The following VAV2 variants were observed in gnomAD, a reference collection of about 807,000 sequenced individuals.
VAV2 encodes guanine nucleotide exchange factor VAV2.
In VAV2, 67 loss-of-function variants were observed where a neutral mutation model predicts 132.5. The ratio of observed to expected loss-of-function variants is 0.51; its 90% CI spans 0.42 to 0.62. VAV2 has a LOEUF of 0.62. VAV2 is among the 20% of genes least tolerant of loss of function. VAV2 has a pLI of 0.00. For synonymous variants in VAV2, 492 were observed against 443.5 expected, an observed-to-expected ratio of 1.11 and a Z score of -1.37; for missense variants, 938 against 1,153.6, an observed-to-expected ratio of 0.81 and a Z score of 2.71.
chr9:133,808,984 C>T, intron 7 of VAV2, 56 bp downstream of exon 7: 1 of 1,524,462 alleles, frequency 6.6e-7, no homozygotes, highest in Non-Finnish European at 9.1e-7. Context: ...GATAGGTGGC[C>T]CTGCAGTGAC....
chr9:133,813,496 G>A (rs1835437714), intron 4 of VAV2, among the ~76,000 whole-genome samples: 1 of 152,350 alleles, frequency 6.6e-6, no homozygotes, highest in South Asian at 2.1e-4. Context: ...GGGAGGGCCC[G>A]TGTGCATTCG....
Position 133,913,536 on chromosome 9 carries a change from C to T in VAV2, c.321+25567G>A, listed in dbSNP as rs531188015. 7.9e-5 allele frequency among the ~76,000 whole-genome samples: 12 copies of T among 152,366 alleles called. No individual in the cohort carries two copies. In the East Asian group the frequency reaches 2.1e-3, roughly 27 times the overall value. ...TGCAGAAATGACCGATCCTTTGCCCCATCTGCCCTTGGTAAAAAACCAAAG... is the reference window on the plus strand; with the variant it reads ...TGCAGAAATGACCGATCCTTTGCCCTATCTGCCCTTGGTAAAAAACCAAAG... On this transcript the variant is annotated intron_variant, in intron 2 of 29. Transcript: ENST00000371850.
At chr9:133,809,289 G>GCAGCCACT in intron 6 of VAV2, 151 bp from the exon 7 acceptor site, 1 of 618,854 alleles carries the variant, frequency 1.6e-6, no homozygotes, top group Non-Finnish European at 2.8e-6. Flanking sequence ...GCAGCCAGAT[G>GCAGCCACT]GGTGACAGAG....
intron 1 of VAV2, among the ~76,000 whole-genome samples, chr9:133,977,821 G>A (rs1363420772): frequency 2.0e-5 from 3 of 152,232 alleles, no homozygotes; most frequent in African/African-American, 4.8e-5. Context: ...CCGAGGTCAA[G>A]GGGGCAGCAC....
intron 26 of VAV2, 149 bp from the exon 27 acceptor site, chr9:133,770,650 G>A: frequency 8.0e-7 from 1 of 1,250,376 alleles, no homozygotes; most frequent in Non-Finnish European, 1.1e-6. Flanking sequence ...GCCAGCCCAT[G>A]GTGGGTGGTC....
chr9:133,788,331 AG>A lies in VAV2; in HGVS notation c.1407+22del, dbSNP rs752614537. The A allele has an allele frequency of 5.1e-6, 8 of 1,577,802 alleles. No individual in the cohort carries two copies. The highest frequency in any genetic ancestry group is 2.6e-6 in the Non-Finnish European group (3 of 1,153,096). On this transcript the variant is annotated intron_variant, in intron 15 of 29. Coordinates refer to ENST00000371850, the MANE Select transcript of VAV2 (RefSeq NM_001134398.2). This position sits in a 1 kb window ranked among gnomAD's most constrained non-coding sequence, Gnocchi z 5.3. Reference sequence around the variant, plus strand: ...GGCCACCCCCACGTTCCTGGGTAGCAGGGGGGACCCGGAAGGCCCCACCTTC... The same window carrying A: ...GGCCACCCCCACGTTCCTGGGTAGCAGGGGGACCCGGAAGGCCCCACCTTC...
rs1408127297 is a variant in VAV2 at position 133,883,786 on chromosome 9, A to G, written c.322-22354T>C. Among the ~76,000 whole-genome samples, 3 of 152,216 alleles carry G rather than the reference A, an allele frequency of 2.0e-5. No homozygotes were observed. The highest frequency in any genetic ancestry group is 4.4e-5 in the Non-Finnish European group (3 of 68,038). On this transcript the variant is annotated intron_variant, in intron 2 of 29. Transcript: ENST00000371850. This position sits in a 1 kb window ranked among gnomAD's most constrained non-coding sequence, Gnocchi z 4.2. Reference sequence around the variant, plus strand: ...GGATCCAGTGCCACTGTGAGGCTCAAGTACACCCCAAAACTCACACTTGAG... The same window carrying G: ...GGATCCAGTGCCACTGTGAGGCTCAGGTACACCCCAAAACTCACACTTGAG...
At chr9:133,933,979 G>A (rs1352681298) in intron 2 of VAV2, among the ~76,000 whole-genome samples, 1 of 148,128 alleles carries the variant, frequency 6.8e-6, no homozygotes, top group African/African-American at 2.5e-5. Flanking sequence ...TGGATGGAAG[G>A]ATGGGTGAAT....
chr9:133,917,672 G>C (rs1840147241), intron 2 of VAV2, among the ~76,000 whole-genome samples: 2 of 151,738 alleles, frequency 1.3e-5, no homozygotes, highest in African/African-American at 4.8e-5. Flanking sequence ...TTTATTGACG[G>C]GGAAACCAAG....
chr9:133,854,150 C>T (rs1167151602), intron 3 of VAV2, among the ~76,000 whole-genome samples: 1 of 107,280 alleles, frequency 9.3e-6, no homozygotes, highest in Non-Finnish European at 2.0e-5. Flanking sequence ...TGCACCTGCA[C>T]ACACACATCT....
At chr9:133,864,701 G>A (rs1837731935) in intron 2 of VAV2, among the ~76,000 whole-genome samples, 3 of 152,250 alleles carry the variant, frequency 2.0e-5, no homozygotes, top group Admixed American at 2.0e-4. Flanking sequence ...GCCCGCTGGG[G>A]CCCTCTGTCC....
chr9:133,975,987 G>T (rs1274066690), intron 1 of VAV2, among the ~76,000 whole-genome samples: 1 of 151,736 alleles, frequency 6.6e-6, no homozygotes, highest in Non-Finnish European at 1.5e-5. Context: ...CACGAGGTCA[G>T]TAGTTCAAGA....
intron 2 of VAV2, among the ~76,000 whole-genome samples, chr9:133,871,813 C>T (rs1838066948): frequency 6.6e-6 from 1 of 152,194 alleles, no homozygotes; most frequent in South Asian, 2.1e-4. Flanking sequence ...CTGGGTCTGA[C>T]TCAGAGCCCA....
rs569814891 is a variant in VAV2, at chr9:133,785,674, C to T, written c.1532+102G>A. ...CTGACGTTCCAACTTTGCCTCCCAC[C>T]GCCCCTGGTCTGAGAGGAACCACAG... On this transcript the variant is annotated intron_variant, in intron 17 of 29. Coordinates refer to ENST00000371850, the MANE Select transcript of VAV2 (RefSeq NM_001134398.2). The T allele has an allele frequency of 6.9e-5, 79 of 1,138,592 alleles. No homozygotes were observed. In the East Asian group the frequency reaches 8.1e-4, roughly 12 times the overall value. The allele number at this position is 1,138,592 out of a possible 1,614,324, so 70.5% of individuals were successfully genotyped here.
intron 9 of VAV2, among the ~76,000 whole-genome samples, chr9:133,801,017 G>A (rs532681329): frequency 1.3e-5 from 2 of 152,296 alleles, no homozygotes; most frequent in East Asian, 3.9e-4. Context: ...ACTGCCCCGG[G>A]TGACCCCCAC....
At chr9:133,952,602 CGGGG>C (rs771129606) in intron 1 of VAV2, among the ~76,000 whole-genome samples, 1 of 125,276 alleles carries the variant, frequency 8.0e-6, no homozygotes, top group Non-Finnish European at 1.8e-5. Flanking sequence ...GACTCTGTCT[CGGGG>C]AAAAAAAAAA....
In VAV2 at chr9:133,809,803, C is replaced by T. The variant is rs1835291893; in HGVS notation, c.567+388G>A. 2.6e-5 allele frequency among the ~76,000 whole-genome samples: 4 copies of T among 152,344 alleles called. No homozygotes were observed. In the South Asian group the frequency reaches 8.3e-4, roughly 32 times the overall value. On this transcript the variant is annotated intron_variant, in intron 6 of 29. Transcript: ENST00000371850. ...CAGGGTGAGGTGACAGGTGGGGTCA[C>T]TGTGGGGCAGTGATGGATTTTCCCA... is the stretch of plus-strand genomic sequence containing the variant.
chr9:133,808,971 G>T, intron 7 of VAV2, 69 bp downstream of exon 7: 1 of 1,434,504 alleles, frequency 7.0e-7, no homozygotes, highest in Non-Finnish European at 9.7e-7. Context: ...TGCACTCCCA[G>T]GAGATAGGTG....
rs375587894 is a variant in VAV2 at position 133,989,253 on chromosome 9, C to T, written c.204+2822G>A. On this transcript the variant is annotated intron_variant, in intron 1 of 29. Transcript: ENST00000371850. Reference sequence around the variant, plus strand: ...ACTTGGGAGGCTGACGCAGGAGAATCGCTTGAACCCGGGAGGTGGATGTTG... The same window carrying T: ...ACTTGGGAGGCTGACGCAGGAGAATTGCTTGAACCCGGGAGGTGGATGTTG... Among the ~76,000 whole-genome samples the T allele has an allele frequency of 3.2e-4, 49 of 151,564 alleles. 1 individual carries two copies. In the South Asian group the frequency reaches 7.3e-3, roughly 23 times the overall value.
Sources: gnomAD v4.1 joint callset for allele counts (sites outside exome capture counted in the v4.1 genomes callset) on GRCh38, gnomAD v4.1.1 for gene constraint, Gnocchi (gnomAD v3.1) non-coding constraint, MANE v1.5 for transcripts, NCBI Gene and HGNC (gene_info 2026-07-23, HGNC 2026-07-21) for gene names.